SEC24D: variants seen among roughly 807,000 people sequenced by gnomAD.
SEC24D encodes protein transport protein Sec24D.
A neutral mutation model predicts 116.9 loss-of-function variants in SEC24D; 69 were observed. The observed-to-expected ratio is 0.59, with a 90% CI of 0.49 to 0.72. The LOEUF (loss-of-function observed/expected upper bound fraction) is 0.72, where lower values mean the gene tolerates loss of function less well. Ranked by LOEUF, SEC24D falls within the 30% of genes least tolerant of loss-of-function variation. SEC24D has a pLI of 0.00. For synonymous variants in SEC24D, 405 were observed against 442.8 expected (o/e 0.91, Z 1.07); for missense variants, 1,131 against 1,264.1 (o/e 0.89, Z 1.60).
At position 118,759,488 on chromosome 4, in the gene SEC24D, T is replaced by C. The variant is rs569481797; in HGVS notation, c.1297-1643A>G. On this transcript the variant is annotated intron_variant, in intron 10 of 22. Coordinates refer to ENST00000280551, the MANE Select transcript of SEC24D (RefSeq NM_014822.4). ...TTTGTCCAGCCAAGCTTAACATGTATGTACTCTATAAAATGCTGGTTTTCC... is the reference window on the plus strand; with the variant it reads ...TTTGTCCAGCCAAGCTTAACATGTACGTACTCTATAAAATGCTGGTTTTCC... 2.6e-5 allele frequency among the ~76,000 whole-genome samples: 4 copies of C among 152,322 alleles called. No homozygotes were observed. The East Asian group carries it at 5.8e-4, about 22-fold the overall frequency.
chr4:118,757,608 C>G, intron 11 of SEC24D, 113 bp downstream of exon 11: 1 of 833,170 alleles, frequency 1.2e-6, no homozygotes, highest in Admixed American at 3.0e-5. Flanking sequence ...GACTAATTAC[C>G]CAGTGTCCTC....
intron 22 of SEC24D, among the ~76,000 whole-genome samples, chr4:118,727,304 G>A (rs762948689): frequency 1.9e-4 from 29 of 152,066 alleles, no homozygotes; most frequent in Non-Finnish European, 4.1e-4. Context: ...TATCACACAG[G>A]TGCTTAATAT....
In SEC24D at chr4:118,815,696, G is replaced by T; in HGVS notation, c.428C>A (p.Pro143His). The change falls in exon 5 of 23, where the codon CCC becomes CAC. Residue 143 changes from proline (P) to histidine (H), a missense_variant. By Grantham distance (77) the Pro-to-His change is moderately conservative. Transcript: ENST00000280551. ...TGATGTGGCTGACAGAGGGCCAGGG[G>T]GTCCCTGGCTTGGAGGAGCCATGCC... Reference protein sequence around the residue: ...GSGMAPPSQGPPGPLSATSLQ... With the variant: ...GSGMAPPSQGHPGPLSATSLQ... The T allele has an allele frequency of 6.2e-7, 1 of 1,613,982 alleles. No homozygotes were observed.
intron 22 of SEC24D, among the ~76,000 whole-genome samples, chr4:118,726,174 G>A (rs1038670411): frequency 3.3e-5 from 5 of 152,158 alleles, no homozygotes; most frequent in African/African-American, 4.8e-5. Context: ...ACAGGGAATC[G>A]CTAAAGCATG....
intron 8 of SEC24D, among the ~76,000 whole-genome samples, chr4:118,787,437 G>A (rs1391098547): frequency 6.6e-6 from 1 of 152,148 alleles, no homozygotes; most frequent in East Asian, 1.9e-4. Context: ...TTTAATTTCA[G>A]AGCATACTTA....
chr4:118,726,581 G>A (rs1466042779), intron 22 of SEC24D, among the ~76,000 whole-genome samples: 3 of 152,158 alleles, frequency 2.0e-5, no homozygotes, highest in Non-Finnish European at 2.9e-5. Context: ...TGGAGAAGTG[G>A]CAGCTTCTAT....
At chr4:118,735,886 G>A (rs1451148696) in intron 19 of SEC24D, 1 of 151,766 alleles carries the variant, frequency 6.6e-6, no homozygotes, top group Admixed American at 6.6e-5. Flanking sequence ...AGAGGTGGAG[G>A]TTTCGATATG....
At position 118,744,088 on chromosome 4, in the gene SEC24D, A is replaced by G. The variant is rs1025941859; in HGVS notation, c.1895T>C (p.Val632Ala). 7.4e-6 allele frequency: 12 copies of G among 1,613,562 alleles called. No individual in the cohort carries two copies. Among genetic ancestry groups the G allele is most frequent in the African/African-American group, 1.3e-5 (1 of 74,902 alleles). ...CTGACTAGGAAAGAGGAAGAGTGTCACAGAGCAGCCGTGAGCCACGCAGTC... is the reference window on the plus strand; with the variant it reads ...CTGACTAGGAAAGAGGAAGAGTGTCGCAGAGCAGCCGTGAGCCACGCAGTC... ...AKDCVAHGCS[V>A]TLFLFPSQYV... The change falls in exon 15 of 23, where the codon GTG becomes GCG. Residue 632 changes from valine to alanine, a missense_variant. Transcript: ENST00000280551.
At chr4:118,810,259 T>C (rs1729865710) in intron 6 of SEC24D, among the ~76,000 whole-genome samples, 1 of 152,088 alleles carries the variant, frequency 6.6e-6, no homozygotes. Context: ...AGAATTTGAA[T>C]GGATGACTCT....
At chr4:118,781,222 G>T (rs1728396297) in intron 8 of SEC24D, among the ~76,000 whole-genome samples, 2 of 152,230 alleles carry the variant, frequency 1.3e-5, no homozygotes, top group Non-Finnish European at 2.9e-5. Flanking sequence ...GCAGTGGCTG[G>T]TATCTGTTGT....
intron 2 of SEC24D, among the ~76,000 whole-genome samples, chr4:118,826,556 A>G (rs534580691): frequency 6.6e-6 from 1 of 152,338 alleles, no homozygotes; most frequent in African/African-American, 2.4e-5. Flanking sequence ...GTAGCATTAA[A>G]ATATTTTCAA....
chr4:118,809,916 C>T (rs1196022501), intron 6 of SEC24D, among the ~76,000 whole-genome samples: 2 of 152,028 alleles, frequency 1.3e-5, no homozygotes, highest in African/African-American at 4.8e-5. Flanking sequence ...AGGACATGAG[C>T]TGTGCCCTGC....
intron 7 of SEC24D, among the ~76,000 whole-genome samples, chr4:118,801,532 T>C (rs1209016150): frequency 4.6e-5 from 7 of 152,198 alleles, no homozygotes; most frequent in Non-Finnish European, 7.3e-5. Context: ...GTTTCATATT[T>C]AAACAAAACT....
chr4:118,802,395 G>A (rs1343377627), intron 7 of SEC24D, among the ~76,000 whole-genome samples: 1 of 152,192 alleles, frequency 6.6e-6, no homozygotes, highest in Non-Finnish European at 1.5e-5. Flanking sequence ...TAAAGTGAGA[G>A]AGCTGAGCAA....
Position 118,739,261 on chromosome 4 carries a change from A to T in SEC24D, c.2265T>A (p.Ser755Arg). The T allele has an allele frequency of 6.2e-7, 1 of 1,613,674 alleles. No individual in the cohort carries two copies. Among genetic ancestry groups the T allele is most frequent in the Non-Finnish European group, 8.5e-7 (1 of 1,179,638 alleles). The part of the protein sequence containing the change: ...IQCAVLYTTI[S>R]GQRRLRIHNL... ...TGTGAATCCGAAGTCTTCTTTGACCACTGATTGTCGTGTAAAGCACAGCAC... is the reference window on the plus strand; with the variant it reads ...TGTGAATCCGAAGTCTTCTTTGACCTCTGATTGTCGTGTAAAGCACAGCAC... Residue 755 changes from serine to arginine, a missense_variant, in exon 18 of 23, where the codon AGT (serine) becomes AGA (arginine). Physicochemically the swap from Ser to Arg is moderately radical, Grantham distance 110. Transcript: ENST00000280551.
chr4:118,791,105 G>A (rs1424661980), intron 8 of SEC24D, among the ~76,000 whole-genome samples: 3 of 151,856 alleles, frequency 2.0e-5, no homozygotes, highest in Admixed American at 6.6e-5. Context: ...AACTATAATT[G>A]TTTAGTTTTT....
intron 8 of SEC24D, among the ~76,000 whole-genome samples, chr4:118,792,883 T>C (rs2110500463): frequency 1.3e-5 from 2 of 152,174 alleles, no homozygotes; most frequent in Middle Eastern, 3.4e-3. Context: ...CCAAGAATGA[T>C]CAATAAATAC....
chr4:118,732,682 A>G (rs1433467424), intron 20 of SEC24D, 51 bp downstream of exon 20: 2 of 1,544,546 alleles, frequency 1.3e-6, no homozygotes, highest in Non-Finnish European at 1.8e-6. Flanking sequence ...AGCACAAAAT[A>G]TGATTCCCTT....
rs1160239767 is a variant in SEC24D, at chr4:118,836,091, G to A, written c.-192C>T. On this transcript the variant is annotated 5_prime_UTR_variant, in exon 1 of 23. Coordinates refer to ENST00000280551, the MANE Select transcript of SEC24D (RefSeq NM_014822.4). Reference sequence around the variant, plus strand: ...GTCCCCTTAGCCTGGACTCACGCTCGGAGTTGCAGCTGGGCTGGGAACTGC... The same window carrying A: ...GTCCCCTTAGCCTGGACTCACGCTCAGAGTTGCAGCTGGGCTGGGAACTGC... 6.6e-6 allele frequency: 1 copy of A among 152,136 alleles called. No homozygotes were observed. Among genetic ancestry groups the A allele is most frequent in the Non-Finnish European group, 1.5e-5 (1 of 68,048 alleles). The allele number at this position is 152,136 out of a possible 1,614,324, so 9.4% of individuals were successfully genotyped here.
Sources: allele counts gnomAD v4.1 joint callset (sites outside exome capture counted in the v4.1 genomes callset), GRCh38; gene constraint gnomAD v4.1.1; transcripts MANE v1.5; gene names NCBI Gene and HGNC (gene_info 2026-07-23, HGNC 2026-07-21).